The following SYNPR variants were observed in gnomAD, a reference collection of about 807,000 sequenced individuals.
SYNPR encodes synaptoporin.
A neutral mutation model predicts 32.9 loss-of-function variants in SYNPR; 23 were observed. The observed-to-expected ratio is 0.70, with a 90% confidence interval of 0.50 to 0.99. The LOEUF is 0.99. Among genes scored for constraint, SYNPR ranks in the 50% least tolerant of loss-of-function variants. The probability of loss-of-function intolerance (pLI) is 0.00; values close to 1 mark genes in which losing one functional copy is unlikely to be tolerated. For missense variants in SYNPR, 318 were observed against 349.3 expected, an observed-to-expected ratio of 0.91 and a Z score of 0.71; for synonymous variants, 146 against 135.9, an observed-to-expected ratio of 1.07 and a Z score of -0.52.
At chr3:63,364,888 G>T (rs1349488244) in intron 2 of SYNPR, among the ~76,000 whole-genome samples, 1 of 152,126 alleles carries the variant, frequency 6.6e-6, no homozygotes, top group East Asian at 1.9e-4. Context: ...ATGAAATTAG[G>T]TTACAGGGTA....
chr3:63,266,320 T>C (rs1463592593), intron 2 of SYNPR, among the ~76,000 whole-genome samples: 2 of 152,166 alleles, frequency 1.3e-5, no homozygotes, highest in Non-Finnish European at 2.9e-5. Flanking sequence ...ACTTAGAACA[T>C]TCAAATGTTG....
chr3:63,615,227 T>A lies in SYNPR; in HGVS notation c.604T>A (p.Phe202Ile). 1 of 1,613,448 alleles carries A rather than the reference T, an allele frequency of 6.2e-7. No individual in the cohort carries two copies. The highest frequency in any genetic ancestry group is 8.5e-7 in the Non-Finnish European group (1 of 1,179,554). ...ATTGGCTTTGATTCTCCTTCAGGTC[T>A]TTGGATTCTTGAACTTTATTCTCTG... ...VMSSLNTSVV[F>I]GFLNFILWAG... is the part of the protein sequence containing the mutation. Residue 202 changes from phenylalanine (F) to isoleucine (I), a missense_variant, in exon 6 of 6, where the codon TTT (phenylalanine) becomes ATT (isoleucine). Coordinates refer to ENST00000478300, the MANE Select transcript of SYNPR (RefSeq NM_001130003.2).
intron 3 of SYNPR, among the ~76,000 whole-genome samples, chr3:63,534,879 G>T (rs909538119): frequency 6.6e-6 from 1 of 152,062 alleles, no homozygotes; most frequent in Non-Finnish European, 1.5e-5. Flanking sequence ...CCCAGGGTGA[G>T]AAAATGAGTA....
chr3:63,573,341 C>T (rs909634740), intron 4 of SYNPR, among the ~76,000 whole-genome samples: 3 of 152,146 alleles, frequency 2.0e-5, no homozygotes, highest in African/African-American at 7.2e-5. Flanking sequence ...GTCCATTCTA[C>T]ATGGGAGCCA....
chr3:63,558,896 A>G (rs1425292238), intron 4 of SYNPR, among the ~76,000 whole-genome samples: 2 of 152,014 alleles, frequency 1.3e-5, no homozygotes, highest in East Asian at 1.9e-4. Flanking sequence ...TGAGGGAAGT[A>G]TAATAAAAAT....
chr3:63,338,527 G>A (rs2087323387), intron 2 of SYNPR, among the ~76,000 whole-genome samples: 1 of 152,164 alleles, frequency 6.6e-6, no homozygotes, highest in Non-Finnish European at 1.5e-5. Context: ...GTATTTTTCA[G>A]AAGCTTCAGA....
At chr3:63,413,505 C>G (rs887160402) in intron 2 of SYNPR, among the ~76,000 whole-genome samples, 1 of 152,178 alleles carries the variant, frequency 6.6e-6, no homozygotes, top group Non-Finnish European at 1.5e-5. Context: ...GATAGGAAAT[C>G]AAGTTTCTGC....
intron 2 of SYNPR, among the ~76,000 whole-genome samples, chr3:63,422,257 A>G (rs1318948486): frequency 2.6e-5 from 4 of 152,180 alleles, no homozygotes; most frequent in African/African-American, 9.7e-5. Flanking sequence ...ACTACTTTCT[A>G]CATTGCTATG....
chr3:63,259,659 G>A (rs896379658), intron 2 of SYNPR, among the ~76,000 whole-genome samples: 2 of 152,088 alleles, frequency 1.3e-5, no homozygotes, highest in African/African-American at 2.4e-5. Context: ...TTTGAAAACT[G>A]GTACAAGACA....
intron 2 of SYNPR, among the ~76,000 whole-genome samples, chr3:63,345,740 A>G (rs572841008): frequency 6.6e-6 from 1 of 152,320 alleles, no homozygotes; most frequent in African/African-American, 2.4e-5. Flanking sequence ...TTAGGGACAA[A>G]TTTATATATA....
intron 2 of SYNPR, among the ~76,000 whole-genome samples, chr3:63,431,864 C>A (rs1488357030): frequency 6.8e-6 from 1 of 146,338 alleles, no homozygotes; most frequent in African/African-American, 2.5e-5. Flanking sequence ...CTGTTTGTGA[C>A]TTAGACCTTT....
chr3:63,441,549 A>G (rs1700173084), intron 2 of SYNPR, among the ~76,000 whole-genome samples: 1 of 152,134 alleles, frequency 6.6e-6, no homozygotes, highest in South Asian at 2.1e-4. Flanking sequence ...ATGTTTACTG[A>G]GTGCTCACTT....
At chr3:63,335,352 C>T (rs867904533) in intron 2 of SYNPR, among the ~76,000 whole-genome samples, 2 of 84,954 alleles carry the variant, frequency 2.4e-5, no homozygotes, top group Non-Finnish European at 4.3e-5. Context: ...GACTCCGTCT[C>T]AAAAAAAAAA....
At chr3:63,417,446 G>C (rs1211096848) in intron 2 of SYNPR, among the ~76,000 whole-genome samples, 1 of 152,186 alleles carries the variant, frequency 6.6e-6, no homozygotes, top group Non-Finnish European at 1.5e-5. Flanking sequence ...AGCTGTCATT[G>C]GATCTACCAC....
At chr3:63,491,515 T>C (rs1238690754) in intron 3 of SYNPR, among the ~76,000 whole-genome samples, 1 of 152,082 alleles carries the variant, frequency 6.6e-6, no homozygotes, top group Non-Finnish European at 1.5e-5. Flanking sequence ...GGTTTATGTG[T>C]ATATGCATAT....
At chr3:63,546,666 T>C (rs966170622) in intron 3 of SYNPR, among the ~76,000 whole-genome samples, 10 of 151,952 alleles carry the variant, frequency 6.6e-5, no homozygotes, top group African/African-American at 2.2e-4. Flanking sequence ...TCATTGTCTC[T>C]AATGGTAAAG....
chr3:63,598,555 AT>A (rs1189339008), intron 4 of SYNPR, among the ~76,000 whole-genome samples: 1 of 152,178 alleles, frequency 6.6e-6, no homozygotes, highest in Non-Finnish European at 1.5e-5. Flanking sequence ...ACCGATTGAG[AT>A]GAATAGCTCA....
At chr3:63,433,949 G>A (rs563973659) in intron 2 of SYNPR, among the ~76,000 whole-genome samples, 3 of 152,162 alleles carry the variant, frequency 2.0e-5, no homozygotes, top group Admixed American at 2.0e-4. Context: ...TTTGCTGCAG[G>A]GCATCATCAC....
chr3:63,510,363 A>T (rs527568478), intron 3 of SYNPR, among the ~76,000 whole-genome samples: 1 of 152,274 alleles, frequency 6.6e-6, no homozygotes, highest in East Asian at 1.9e-4. Context: ...TACTTGTTTG[A>T]TACTTAACAG....
Sources: allele counts gnomAD v4.1 joint callset (sites outside exome capture counted in the v4.1 genomes callset), GRCh38; gene constraint gnomAD v4.1.1; transcripts MANE v1.5; gene names NCBI Gene and HGNC (gene_info 2026-07-23, HGNC 2026-07-21).